OR6N1: variants seen among roughly 807,000 people sequenced by gnomAD.
OR6N1 encodes olfactory receptor 6N1.
For synonymous variants in OR6N1, 170 were observed against 150.7 expected, an observed-to-expected ratio of 1.13 and a Z score of -0.94; for missense variants, 394 against 371.7, an observed-to-expected ratio of 1.06 and a Z score of -0.49.
At chr1:158,829,281 A>C in the OR6N1 span, among the ~76,000 whole-genome samples, 3 of 152,242 alleles carry the variant, frequency 2.0e-5, no homozygotes, top group East Asian at 1.9e-4. Flanking sequence ...CAAATTTTCC[A>C]AATTTTTATG....
At chr1:158,788,043 A>G in the OR6N1 span, among the ~76,000 whole-genome samples, 6 of 152,316 alleles carry the variant, frequency 3.9e-5, no homozygotes, top group East Asian at 9.6e-4. Context: ...GAGAAAAACA[A>G]AAAGTCTGAC....
chr1:158,825,312 G>A, the OR6N1 span, among the ~76,000 whole-genome samples: 21 of 152,038 alleles, frequency 1.4e-4, no homozygotes, highest in South Asian at 1.0e-3. Context: ...GGTGGTGGGC[G>A]CCTGTAGTCC....
At chr1:158,837,436 C>G in the OR6N1 span, among the ~76,000 whole-genome samples, 3 of 151,636 alleles carry the variant, frequency 2.0e-5, no homozygotes, top group Admixed American at 6.6e-5. Context: ...GGTGAACTGG[C>G]CTTTTTAACA....
chr1:158,804,034 G>C, the OR6N1 span, among the ~76,000 whole-genome samples: 3 of 152,196 alleles, frequency 2.0e-5, no homozygotes, highest in Non-Finnish European at 4.4e-5. Flanking sequence ...GACCAGCAAT[G>C]AGGCAGGAGG....
chr1:158,796,650 T>C, the OR6N1 span, among the ~76,000 whole-genome samples: 3 of 152,316 alleles, frequency 2.0e-5, no homozygotes, highest in East Asian at 5.8e-4. Context: ...TGAATATCTT[T>C]GAGTTTTATT....
chr1:158,816,952 A>C, the OR6N1 span, among the ~76,000 whole-genome samples: 1 of 152,228 alleles, frequency 6.6e-6, no homozygotes, highest in Non-Finnish European at 1.5e-5. Context: ...GTCTCACCAC[A>C]GTCACTCAGT....
the OR6N1 span, among the ~76,000 whole-genome samples, chr1:158,834,318 C>T: frequency 6.6e-6 from 1 of 150,564 alleles, no homozygotes; most frequent in Non-Finnish European, 1.5e-5. Context: ...CTGCAAGCTC[C>T]GCCTCCCGGG....
At chr1:158,777,089 G>T, upstream of OR6N1, 1 of 1,614,182 alleles carries the variant, frequency 6.2e-7, no homozygotes, top group Non-Finnish European at 8.5e-7. Flanking sequence ...CTCAGCAAAG[G>T]TGGAAAGTCA....
At chr1:158,790,102 C>T in the OR6N1 span, among the ~76,000 whole-genome samples, 4 of 152,098 alleles carry the variant, frequency 2.6e-5, no homozygotes, top group African/African-American at 4.8e-5. Context: ...CTGTTCTTCC[C>T]TCAATGTATG....
chr1:158,792,883 T>C, the OR6N1 span, among the ~76,000 whole-genome samples: 1 of 152,208 alleles, frequency 6.6e-6, no homozygotes, highest in Non-Finnish European at 1.5e-5. Context: ...TTCCAAACTT[T>C]TGCTTTTTCT....
the OR6N1 span, among the ~76,000 whole-genome samples, chr1:158,814,005 T>C: frequency 1.3e-5 from 2 of 152,188 alleles, no homozygotes; most frequent in Non-Finnish European, 2.9e-5. Flanking sequence ...TAGCCAGATG[T>C]ACTGTCTATT....
chr1:158,783,803 C>T, the OR6N1 span, among the ~76,000 whole-genome samples: 3 of 151,978 alleles, frequency 2.0e-5, no homozygotes, highest in African/African-American at 4.8e-5. Flanking sequence ...TTGTTGAATG[C>T]ATTAATTAAG....
chr1:158,801,166 T>G, the OR6N1 span, among the ~76,000 whole-genome samples: 1 of 45,646 alleles, frequency 2.2e-5, no homozygotes, highest in Admixed American at 2.0e-4. Flanking sequence ...CACATACTGG[T>G]GTGTGTGTGT....
chr1:158,777,092 GA>G (rs781015783), upstream of OR6N1: 1 of 1,614,150 alleles, frequency 6.2e-7, no homozygotes, highest in Non-Finnish European at 8.5e-7. Flanking sequence ...AGCAAAGGTG[GA>G]AAGTCACAGA....
chr1:158,822,507 T>G, the OR6N1 span, among the ~76,000 whole-genome samples: 1 of 152,202 alleles, frequency 6.6e-6, no homozygotes, highest in Non-Finnish European at 1.5e-5. Context: ...TCACCTTGGT[T>G]GTTGTTGGTA....
chr1:158,774,523 A>C (rs538935497), upstream of OR6N1: 5 of 152,356 alleles, frequency 3.3e-5, no homozygotes, highest in African/African-American at 1.2e-4. Context: ...GGAGGGACCC[A>C]AAAAGCACTA....
chr1:158,787,829 C>T, the OR6N1 span, among the ~76,000 whole-genome samples: 3 of 152,148 alleles, frequency 2.0e-5, no homozygotes, highest in Admixed American at 1.3e-4. Context: ...TAGGGAAATA[C>T]ATATTCCCCC....
the OR6N1 span, among the ~76,000 whole-genome samples, chr1:158,825,969 C>T: frequency 6.6e-6 from 1 of 152,058 alleles, no homozygotes; most frequent in African/African-American, 2.4e-5. Flanking sequence ...ATGTGTTGTG[C>T]AGCATTATGG....
At chr1:158,811,337 T>C in the OR6N1 span, among the ~76,000 whole-genome samples, 17 of 152,258 alleles carry the variant, frequency 1.1e-4, no homozygotes, top group Non-Finnish European at 1.5e-4. Flanking sequence ...CATTTATTCA[T>C]TGATTTAATC....
Sources: gnomAD v4.1 joint callset for allele counts (sites outside exome capture counted in the v4.1 genomes callset) on GRCh38, gnomAD v4.1.1 for gene constraint, MANE v1.5 for transcripts, NCBI Gene and HGNC (gene_info 2026-07-23, HGNC 2026-07-21) for gene names.